The following RUNX1 variants were observed in gnomAD, a reference collection of about 807,000 sequenced individuals.
The protein encoded by RUNX1 is RUNX family transcription factor 1, also known as runt-related transcription factor 1.
A neutral mutation model predicts 42.8 loss-of-function variants in RUNX1; 19 were observed. That is an observed-to-expected ratio of 0.44 (90% CI 0.31 to 0.65). The LOEUF (loss-of-function observed/expected upper bound fraction) is 0.65. Among genes scored for constraint, RUNX1 ranks in the 30% least tolerant of loss-of-function variants. The pLI, the probability that RUNX1 is intolerant of heterozygous loss-of-function variation, is 0.07. For synonymous variants in RUNX1, 271 were observed against 289.4 expected (o/e 0.94, Z 0.64); for missense variants, 528 against 672.0 (o/e 0.79, Z 2.37).
chr21:34,824,748 G>C (rs914795313), intron 7 of RUNX1, among the ~76,000 whole-genome samples: 17 of 152,178 alleles, frequency 1.1e-4, no homozygotes, highest in African/African-American at 1.9e-4. Context: ...CACAGGTAAT[G>C]AAAGTCCCTC....
At chr21:34,846,547 T>G (rs774557156) in intron 6 of RUNX1, among the ~76,000 whole-genome samples, 13 of 152,202 alleles carry the variant, frequency 8.5e-5, no homozygotes, top group Non-Finnish European at 1.3e-4. Context: ...TTTCTCCTTC[T>G]GTAGATGAGG....
At chr21:34,960,861 G>T (rs1265959480) in intron 2 of RUNX1, among the ~76,000 whole-genome samples, 1 of 152,174 alleles carries the variant, frequency 6.6e-6, no homozygotes, top group Non-Finnish European at 1.5e-5. Flanking sequence ...ATGTCTTGGG[G>T]TGAATGACAA....
chr21:34,814,237 G>A (rs943930297), intron 7 of RUNX1, among the ~76,000 whole-genome samples: 1 of 152,136 alleles, frequency 6.6e-6, no homozygotes, highest in Non-Finnish European at 1.5e-5. Context: ...GTTGGTGTCT[G>A]TTGCTGTAAA....
chr21:35,031,217 G>A (rs1375107551), intron 2 of RUNX1, among the ~76,000 whole-genome samples: 1 of 152,126 alleles, frequency 6.6e-6, no homozygotes, highest in Non-Finnish European at 1.5e-5. Context: ...GCATGGTGGC[G>A]CACACCTGTA....
chr21:34,863,300 C>T (rs1185022538), intron 5 of RUNX1, among the ~76,000 whole-genome samples: 1 of 152,170 alleles, frequency 6.6e-6, no homozygotes, highest in Non-Finnish European at 1.5e-5. Flanking sequence ...ATACTTTATC[C>T]ACACCTACCA....
At chr21:35,043,799 A>G (rs532322148) in intron 2 of RUNX1, among the ~76,000 whole-genome samples, 1 of 152,304 alleles carries the variant, frequency 6.6e-6, no homozygotes, top group African/African-American at 2.4e-5. Context: ...AAGACAAGCC[A>G]TCAAAGCTAC....
At chr21:34,798,941 C>T (rs1036349993) in intron 8 of RUNX1, among the ~76,000 whole-genome samples, 4 of 152,148 alleles carry the variant, frequency 2.6e-5, no homozygotes, top group Non-Finnish European at 5.9e-5. Flanking sequence ...TTACCACCAC[C>T]GCATGGACCA....
intron 2 of RUNX1, among the ~76,000 whole-genome samples, chr21:35,046,651 G>A (rs1379854826): frequency 1.3e-5 from 2 of 152,136 alleles, no homozygotes; most frequent in African/African-American, 4.8e-5. Context: ...CTACCTCTCC[G>A]GCTTGGGTGA....
chr21:34,954,310 A>AG (rs1352514461), intron 2 of RUNX1, among the ~76,000 whole-genome samples: 1 of 152,184 alleles, frequency 6.6e-6, no homozygotes, highest in Non-Finnish European at 1.5e-5. Context: ...AAAGGAGAAA[A>AG]GGAGAGGGGA....
chr21:34,988,055 T>C (rs1411053587), intron 2 of RUNX1, among the ~76,000 whole-genome samples: 1 of 152,210 alleles, frequency 6.6e-6, no homozygotes, highest in Non-Finnish European at 1.5e-5. Flanking sequence ...TGTTTGTGAA[T>C]TCACTCTGTA....
chr21:34,946,179 T>G (rs938210985), intron 2 of RUNX1, among the ~76,000 whole-genome samples: 1 of 152,254 alleles, frequency 6.6e-6, no homozygotes, highest in African/African-American at 2.4e-5. Flanking sequence ...CTTTCCACTC[T>G]GTTCCGTGCC....
chr21:34,879,062 G>T (rs973886357), intron 5 of RUNX1, among the ~76,000 whole-genome samples: 2 of 152,188 alleles, frequency 1.3e-5, no homozygotes, highest in Non-Finnish European at 2.9e-5. Context: ...AGGCCGATGG[G>T]CATGGACCAG....
chr21:34,927,862 G>C (rs901357436), intron 2 of RUNX1, among the ~76,000 whole-genome samples: 9 of 152,198 alleles, frequency 5.9e-5, no homozygotes, highest in African/African-American at 1.9e-4. Context: ...CAGCGAGTTA[G>C]CTCTGGCAAT....
chr21:34,993,742 GAC>G lies in RUNX1; in HGVS notation c.58+55098_58+55099del, dbSNP rs1326816336. On this transcript the variant is annotated intron_variant, in intron 2 of 8. Coordinates refer to ENST00000675419, the MANE Select transcript of RUNX1 (RefSeq NM_001754.5). ...AGGCACACACACACAGACACACAGA[GAC>G]ACACACACAGACACACACAGGCGCA... 5.2e-4 allele frequency among the ~76,000 whole-genome samples: 29 copies of G among 55,706 alleles called. No individual in the cohort carries two copies. The East Asian group carries it at 7.6e-3, about 15-fold the overall frequency. 36.5% of individuals were successfully genotyped at this position (55,706 alleles called of 152,430 possible). A position where few individuals can be genotyped will look rare whatever the true frequency, so the allele number is the denominator to read the frequency against.
At chr21:35,021,544 T>A (rs1440668848) in intron 2 of RUNX1, among the ~76,000 whole-genome samples, 1 of 152,232 alleles carries the variant, frequency 6.6e-6, no homozygotes, top group Non-Finnish European at 1.5e-5. Flanking sequence ...CATTACTATC[T>A]TCCCCATGTC....
chr21:35,009,355 C>T (rs1357762273), intron 2 of RUNX1, among the ~76,000 whole-genome samples: 1 of 152,068 alleles, frequency 6.6e-6, no homozygotes, highest in Non-Finnish European at 1.5e-5. Context: ...GCAGTTTATC[C>T]ACAAGGAAGG....
intron 7 of RUNX1, among the ~76,000 whole-genome samples, chr21:34,810,774 TTC>T (rs1016455442): frequency 1.3e-5 from 2 of 152,180 alleles, no homozygotes; most frequent in African/African-American, 4.8e-5. Context: ...GGAAACAGTC[TTC>T]TCTCCCCTGC....
rs566684291 is a variant in RUNX1, at chr21:34,866,214, C to T, written c.509-6636G>A. Among the ~76,000 whole-genome samples, 16 of 152,310 alleles carry T rather than the reference C, an allele frequency of 1.1e-4. No individual in the cohort carries two copies. In the East Asian group the frequency reaches 3.1e-3, roughly 29 times the overall value. On this transcript the variant is annotated intron_variant, in intron 5 of 8. Coordinates refer to ENST00000675419, the MANE Select transcript of RUNX1 (RefSeq NM_001754.5). ...CTGGGGGCTCAGAGTCCTTAGGAAA[C>T]ACAATCGCAACATTTTTCACTCTTG...
chr21:34,922,306 A>G (rs1233742616), intron 2 of RUNX1, among the ~76,000 whole-genome samples: 1 of 152,166 alleles, frequency 6.6e-6, no homozygotes, highest in Non-Finnish European at 1.5e-5. Flanking sequence ...AGAACTGAAG[A>G]GAAATGCATG....
Sources: gnomAD v4.1 joint callset for allele counts (sites outside exome capture counted in the v4.1 genomes callset) on GRCh38, gnomAD v4.1.1 for gene constraint, MANE v1.5 for transcripts, NCBI Gene and HGNC (gene_info 2026-07-23, HGNC 2026-07-21) for gene names.